Variants in GPATCH2 observed in about 807,000 individuals in gnomAD.
GPATCH2 encodes the protein G-patch domain containing 2, also known as G patch domain-containing protein 2.
GPATCH2 carries 51 observed loss-of-function variants against 58.0 expected under a neutral mutation model. That is an observed-to-expected ratio of 0.88 (90% CI 0.70 to 1.11). The LOEUF (loss-of-function observed/expected upper bound fraction) is 1.11, where lower values mean the gene tolerates loss of function less well. Among genes scored for constraint, GPATCH2 ranks in the 50% most tolerant of loss-of-function variants. The pLI, the probability that GPATCH2 is intolerant of heterozygous loss-of-function variation, is 0.00. For missense variants in GPATCH2, 625 were observed against 652.2 expected, an observed-to-expected ratio of 0.96 and a Z score of 0.45; for synonymous variants, 222 against 218.5, an observed-to-expected ratio of 1.02 and a Z score of -0.14.
At chr1:217,527,859 T>C (rs1329686478) in intron 5 of GPATCH2, among the ~76,000 whole-genome samples, 2 of 152,206 alleles carry the variant, frequency 1.3e-5, no homozygotes. Context: ...TTGCACAATA[T>C]CAACCCTACT....
intron 1 of GPATCH2, among the ~76,000 whole-genome samples, chr1:217,625,885 G>C (rs990172232): frequency 2.6e-5 from 4 of 152,138 alleles, no homozygotes. Flanking sequence ...CCGGGAGGCT[G>C]AGGCAGGAGA....
At chr1:217,496,372 G>A (rs911413941) in intron 7 of GPATCH2, among the ~76,000 whole-genome samples, 8 of 152,252 alleles carry the variant, frequency 5.3e-5, no homozygotes, top group African/African-American at 1.7e-4. Flanking sequence ...CAGGTGACAC[G>A]GCCTTGTTTC....
intron 3 of GPATCH2, among the ~76,000 whole-genome samples, chr1:217,612,698 G>T (rs2102820249): frequency 6.6e-6 from 1 of 152,134 alleles, no homozygotes; most frequent in South Asian, 2.1e-4. Context: ...GAAAAATAAA[G>T]TTATTTTATT....
At chr1:217,433,158 A>G (rs1366910346) in intron 9 of GPATCH2, among the ~76,000 whole-genome samples, 2 of 151,980 alleles carry the variant, frequency 1.3e-5, no homozygotes, top group South Asian at 2.1e-4. Flanking sequence ...ACTACAAAAA[A>G]AAGTTGGAAC....
intron 5 of GPATCH2, among the ~76,000 whole-genome samples, chr1:217,585,702 T>C (rs1158105083): frequency 1.3e-5 from 2 of 152,196 alleles, no homozygotes; most frequent in Non-Finnish European, 2.9e-5. Flanking sequence ...ACTCACAAGA[T>C]TGCTTAGAGA....
chr1:217,607,208 T>G (rs1324086714), intron 5 of GPATCH2, among the ~76,000 whole-genome samples: 4 of 152,222 alleles, frequency 2.6e-5, no homozygotes, highest in Non-Finnish European at 5.9e-5. Flanking sequence ...ACTTTTGTAG[T>G]CATTCAGTAA....
At chr1:217,550,773 T>C (rs1232410426) in intron 5 of GPATCH2, among the ~76,000 whole-genome samples, 1 of 151,750 alleles carries the variant, frequency 6.6e-6, no homozygotes, top group Non-Finnish European at 1.5e-5. Context: ...CTGCTTTACA[T>C]AATTTTAATG....
At chr1:217,596,099 A>C (rs1667815542) in intron 5 of GPATCH2, among the ~76,000 whole-genome samples, 1 of 152,172 alleles carries the variant, frequency 6.6e-6, no homozygotes, top group African/African-American at 2.4e-5. Flanking sequence ...AGAAGAAAGA[A>C]TTGATAGAAG....
chr1:217,536,185 T>C (rs565143702), intron 5 of GPATCH2, among the ~76,000 whole-genome samples: 11 of 152,202 alleles, frequency 7.2e-5, no homozygotes, highest in Non-Finnish European at 1.5e-4. Flanking sequence ...AAAGAATGAG[T>C]GCTTTGTAGT....
At chr1:217,617,080 TTGAG>T (rs1295933305) in intron 2 of GPATCH2, among the ~76,000 whole-genome samples, 1 of 152,168 alleles carries the variant, frequency 6.6e-6, no homozygotes, top group Non-Finnish European at 1.5e-5. Flanking sequence ...GTAAATCAAC[TTGAG>T]TTTCTTCACT....
chr1:217,544,452 C>A (rs1431268677), intron 5 of GPATCH2, among the ~76,000 whole-genome samples: 1 of 152,148 alleles, frequency 6.6e-6, no homozygotes, highest in Non-Finnish European at 1.5e-5. Flanking sequence ...CTTTCCAACC[C>A]AGAGGCCAAC....
chr1:217,462,597 G>T (rs1385375255), intron 8 of GPATCH2, among the ~76,000 whole-genome samples: 6 of 152,084 alleles, frequency 3.9e-5, no homozygotes, highest in African/African-American at 7.2e-5. Context: ...TATGTAAAAT[G>T]GGGATAATAA....
At chr1:217,569,768 C>A (rs1266291380) in intron 5 of GPATCH2, among the ~76,000 whole-genome samples, 1 of 151,964 alleles carries the variant, frequency 6.6e-6, no homozygotes, top group Non-Finnish European at 1.5e-5. Context: ...GGAATGAAGC[C>A]AAGGATGAAC....
chr1:217,515,062 A>C (rs1663054808), intron 5 of GPATCH2, among the ~76,000 whole-genome samples, 173 bp from the exon 6 acceptor site: 1 of 152,030 alleles, frequency 6.6e-6, no homozygotes, highest in Non-Finnish European at 1.5e-5. Context: ...TGGTAAGAAT[A>C]CTTCACTTGT....
At chr1:217,538,883 T>C (rs1354632875) in intron 5 of GPATCH2, among the ~76,000 whole-genome samples, 2 of 152,174 alleles carry the variant, frequency 1.3e-5, no homozygotes, top group African/African-American at 2.4e-5. Context: ...CATGGGCATT[T>C]AGGGATAGAT....
At chr1:217,508,920 G>A (rs1278782489) in intron 6 of GPATCH2, among the ~76,000 whole-genome samples, 1 of 151,918 alleles carries the variant, frequency 6.6e-6, no homozygotes, top group African/African-American at 2.4e-5. Context: ...ATAGTAATAT[G>A]TTTTTCAAGG....
intron 5 of GPATCH2, among the ~76,000 whole-genome samples, chr1:217,591,310 C>T (rs1051106852): frequency 5.9e-5 from 9 of 151,582 alleles, no homozygotes; most frequent in Non-Finnish European, 7.4e-5. Context: ...ATTGTGTGTA[C>T]GTGTGTGTGT....
chr1:217,438,143 A>G (rs12142444), intron 9 of GPATCH2, among the ~76,000 whole-genome samples: 7,001 of 152,202 alleles, frequency 0.046, 266 homozygotes, highest in African/African-American at 0.1. Context: ...CAGCAGAGGG[A>G]CCTGTTAGAA....
chr1:217,513,668 C>G (rs918271755), intron 6 of GPATCH2, among the ~76,000 whole-genome samples: 1 of 152,028 alleles, frequency 6.6e-6, no homozygotes, highest in Non-Finnish European at 1.5e-5. Context: ...TTACCAAAGT[C>G]AAAGCTACAA....
Sources: allele counts gnomAD v4.1 joint callset (sites outside exome capture counted in the v4.1 genomes callset), GRCh38; gene constraint gnomAD v4.1.1; transcripts MANE v1.5; gene names NCBI Gene and HGNC (gene_info 2026-07-23, HGNC 2026-07-21).